Variants in PRKCI observed in about 807,000 individuals in gnomAD.
PRKCI encodes protein kinase C iota type.
PRKCI carries 43 observed loss-of-function variants against 84.0 expected under a neutral mutation model. The observed-to-expected ratio is 0.51, with a 90% CI of 0.40 to 0.66. The LOEUF (loss-of-function observed/expected upper bound fraction) is 0.66, where lower values mean the gene tolerates loss of function less well. Ranked by LOEUF, PRKCI falls within the 30% of genes least tolerant of loss-of-function variation. The pLI, the probability that PRKCI is intolerant of heterozygous loss-of-function variation, is 0.00. For missense variants in PRKCI, 459 were observed against 745.6 expected, an observed-to-expected ratio of 0.62 and a Z score of 4.48; for synonymous variants, 216 against 234.4, an observed-to-expected ratio of 0.92 and a Z score of 0.72.
chr3:170,291,727 T>C, intron 12 of PRKCI, 127 bp from the exon 13 acceptor site: 1 of 688,194 alleles, frequency 1.5e-6, no homozygotes, highest in Non-Finnish European at 2.6e-6. Context: ...GCAATTGTTC[T>C]AGTGATGTTA....
chr3:170,271,736 A>G (rs1038064705), intron 6 of PRKCI, among the ~76,000 whole-genome samples: 1 of 152,148 alleles, frequency 6.6e-6, no homozygotes, highest in African/African-American at 2.4e-5. Context: ...AGGTTTGATT[A>G]GATTCTGGGG....
chr3:170,236,141 G>T (rs547462372), intron 2 of PRKCI, among the ~76,000 whole-genome samples: 1 of 148,858 alleles, frequency 6.7e-6, no homozygotes, highest in South Asian at 2.1e-4. Flanking sequence ...TGGCTCTGTC[G>T]CCCAGGCTGG....
intron 2 of PRKCI, among the ~76,000 whole-genome samples, chr3:170,240,031 A>G (rs146339703): frequency 0.021 from 3,192 of 152,148 alleles, 52 homozygotes; most frequent in East Asian, 0.085. Context: ...GCATGGTGGT[A>G]CACACCTATA....
At chr3:170,293,805 C>G (rs563546530) in intron 14 of PRKCI, among the ~76,000 whole-genome samples, 3 of 151,874 alleles carry the variant, frequency 2.0e-5, no homozygotes, top group Non-Finnish European at 4.4e-5. Context: ...GGCACACTCC[C>G]GAGTAACTGG....
At chr3:170,284,771 T>C (rs1181062838) in intron 12 of PRKCI, among the ~76,000 whole-genome samples, 175 bp downstream of exon 12, 1 of 152,238 alleles carries the variant, frequency 6.6e-6, no homozygotes, top group East Asian at 1.9e-4. Flanking sequence ...GCAAAATTTG[T>C]ATCTTCTGTG....
chr3:170,283,178 G>A (rs1483445279), intron 11 of PRKCI, among the ~76,000 whole-genome samples: 1 of 151,884 alleles, frequency 6.6e-6, no homozygotes. Context: ...ACTGTAAATT[G>A]TTTATGTGTT....
chr3:170,223,297 G>T (rs1337765116), intron 1 of PRKCI, among the ~76,000 whole-genome samples: 1 of 152,170 alleles, frequency 6.6e-6, no homozygotes, highest in Non-Finnish European at 1.5e-5. Context: ...CAGTATATTA[G>T]ACATAGGGGT....
At chr3:170,247,717 C>A (rs1477286941) in intron 2 of PRKCI, among the ~76,000 whole-genome samples, 1 of 56,330 alleles carries the variant, frequency 1.8e-5, no homozygotes, top group Admixed American at 3.1e-4. Context: ...GCAACAAGAG[C>A]AAAACTCTGT....
At chr3:170,274,308 A>G (rs1734065186) in intron 7 of PRKCI, among the ~76,000 whole-genome samples, 2 of 151,842 alleles carry the variant, frequency 1.3e-5, no homozygotes, top group South Asian at 2.1e-4. Flanking sequence ...ATTTTTTTGT[A>G]TTTTTAGTAG....
intron 12 of PRKCI, among the ~76,000 whole-genome samples, chr3:170,286,485 C>CT (rs34674664): frequency 0.19 from 12,541 of 65,878 alleles, 1,905 homozygotes; most frequent in African/African-American, 0.21. Flanking sequence ...AACAATGAGG[C>CT]TTTTTTTTTT....
At chr3:170,285,125 G>C (rs1734344510) in intron 12 of PRKCI, among the ~76,000 whole-genome samples, 1 of 149,650 alleles carries the variant, frequency 6.7e-6, no homozygotes, top group East Asian at 2.0e-4. Flanking sequence ...TGTCCCCCAG[G>C]CTGGAGTGCA....
chr3:170,297,898 C>T (rs1056811712), intron 16 of PRKCI, among the ~76,000 whole-genome samples: 52 of 151,382 alleles, frequency 3.4e-4, no homozygotes, highest in African/African-American at 1.1e-3. Flanking sequence ...TTTTCTGAGA[C>T]GGAGTCTCAT....
chr3:170,250,666 A>G (rs1733422269), intron 2 of PRKCI, among the ~76,000 whole-genome samples: 1 of 152,146 alleles, frequency 6.6e-6, no homozygotes, highest in East Asian at 1.9e-4. Context: ...CAATTGATGG[A>G]CAATTGGCTA....
At chr3:170,267,887 C>CT (rs758380685) in intron 4 of PRKCI, 28 bp from the exon 5 acceptor site, 12 of 1,493,388 alleles carry the variant, frequency 8.0e-6, no homozygotes, top group East Asian at 7.0e-5. Flanking sequence ...GCTCTTTTTT[C>CT]TTTTTTTAAC....
chr3:170,262,266 A>C (rs1167630901), intron 3 of PRKCI, among the ~76,000 whole-genome samples: 2 of 152,176 alleles, frequency 1.3e-5, no homozygotes, highest in Admixed American at 1.3e-4. Flanking sequence ...TTTAGTATAC[A>C]TCTTTTAAAA....
intron 2 of PRKCI, among the ~76,000 whole-genome samples, chr3:170,256,002 A>G (rs896596985): frequency 2.0e-5 from 3 of 152,132 alleles, no homozygotes; most frequent in African/African-American, 7.2e-5. Flanking sequence ...GCATGTGTTG[A>G]ACCATCCTTG....
Position 170,267,425 on chromosome 3 carries a change from G to A in PRKCI, c.365-490G>A, listed in dbSNP as rs527416386. Reference sequence around the variant, plus strand: ...GCGTTGGCTCACGCCTGTAATCCCAGCACTATGGGAGGCCGAGGCGGGCGG... The same window carrying A: ...GCGTTGGCTCACGCCTGTAATCCCAACACTATGGGAGGCCGAGGCGGGCGG... On this transcript the variant is annotated intron_variant, in intron 4 of 17. Transcript: ENST00000295797. Among the ~76,000 whole-genome samples the A allele has an allele frequency of 2.4e-4, 37 of 152,156 alleles. No homozygotes were observed. The South Asian group carries it at 7.3e-3, about 30-fold the overall frequency.
At chr3:170,279,457 C>T (rs565359107) in intron 8 of PRKCI, among the ~76,000 whole-genome samples, 2 of 152,260 alleles carry the variant, frequency 1.3e-5, no homozygotes, top group Admixed American at 1.3e-4. Flanking sequence ...TCTTGGTATT[C>T]TTCACTTCAG....
intron 1 of PRKCI, among the ~76,000 whole-genome samples, chr3:170,225,597 A>G (rs532770246): frequency 6.6e-6 from 1 of 151,114 alleles, no homozygotes; most frequent in East Asian, 1.9e-4. Context: ...AAATAGAGAC[A>G]AGGTCTCACC....
Sources: allele counts gnomAD v4.1 joint callset (sites outside exome capture counted in the v4.1 genomes callset), GRCh38; gene constraint gnomAD v4.1.1; transcripts MANE v1.5; gene names NCBI Gene and HGNC (gene_info 2026-07-23, HGNC 2026-07-21).